NAA25: variants seen among roughly 807,000 people sequenced by gnomAD.
NAA25 encodes N-terminal acetyltransferase B complex subunit NAA25.
In NAA25, 30 loss-of-function variants were observed where a neutral mutation model predicts 132.5. That is an observed-to-expected ratio of 0.23 (90% CI 0.17 to 0.31). The LOEUF (loss-of-function observed/expected upper bound fraction) is 0.31. Among genes scored for constraint, NAA25 ranks in the 10% least tolerant of loss-of-function variants. The probability of loss-of-function intolerance (pLI) is 1.00; values close to 1 mark genes in which losing one functional copy is unlikely to be tolerated. For synonymous variants in NAA25, 359 were observed against 401.9 expected, an observed-to-expected ratio of 0.89 and a Z score of 1.28; for missense variants, 771 against 1,150.4, an observed-to-expected ratio of 0.67 and a Z score of 4.77.
intron 15 of NAA25, among the ~76,000 whole-genome samples, chr12:112,051,100 AC>A (rs1435067206): frequency 6.6e-6 from 1 of 152,324 alleles, no homozygotes; most frequent in East Asian, 1.9e-4. Context: ...ACACAGTAAG[AC>A]ACTACAATCA....
intron 1 of NAA25, among the ~76,000 whole-genome samples, chr12:112,099,178 C>T (rs571874576): frequency 7.2e-5 from 11 of 151,878 alleles, no homozygotes; most frequent in Non-Finnish European, 1.3e-4. Flanking sequence ...TTAGTAGAGA[C>T]GGGGTTTCAC....
intron 9 of NAA25, 96 bp downstream of exon 9, chr12:112,074,579 A>T: frequency 1.6e-6 from 1 of 645,140 alleles, no homozygotes; most frequent in Non-Finnish European, 2.6e-6. Context: ...TACTTTATTG[A>T]GACAGAAAAA....
chr12:112,073,285 C>CACAT (rs1491185890), intron 9 of NAA25, among the ~76,000 whole-genome samples: 3 of 150,428 alleles, frequency 2.0e-5, no homozygotes, highest in East Asian at 2.1e-4. Flanking sequence ...CACACACACA[C>CACAT]ATATATTTTT....
At chr12:112,096,161 T>C (rs2079211024) in intron 1 of NAA25, among the ~76,000 whole-genome samples, 1 of 152,146 alleles carries the variant, frequency 6.6e-6, no homozygotes, top group African/African-American at 2.4e-5. Context: ...ATTAATTCTT[T>C]TAAAAAGTCT....
In NAA25 at chr12:112,078,676, G is replaced by T. The variant is rs146093377; in HGVS notation, c.543C>A (p.Val181=). ...TCTTGTCCTCTTTCACCATTTTTTC[G>T]ACCATTCTCTCAGCAAGGGGCAGAA... ...TMFLPLAERM[V]EKMVKEDKIE... Residue 181 remains valine (V), a synonymous_variant, in exon 6 of 24, where the codon GTC becomes GTA. Coordinates refer to ENST00000261745, the MANE Select transcript of NAA25 (RefSeq NM_024953.4). 1 of 1,613,366 alleles carries T rather than the reference G, an allele frequency of 6.2e-7. No individual in the cohort carries two copies. The highest frequency in any genetic ancestry group is 1.1e-5 in the South Asian group (1 of 90,972).
At chr12:112,035,557 T>C (rs747976422) in intron 22 of NAA25, among the ~76,000 whole-genome samples, 5 of 152,166 alleles carry the variant, frequency 3.3e-5, no homozygotes, top group Non-Finnish European at 5.9e-5. Flanking sequence ...AGCACCCTCA[T>C]TCATATCTAA....
chr12:112,083,448 T>G (rs1029992324), intron 4 of NAA25, among the ~76,000 whole-genome samples: 1 of 151,786 alleles, frequency 6.6e-6, no homozygotes, highest in East Asian at 1.9e-4. Context: ...GAGGTTGCAG[T>G]GGGCCGGAAT....
chr12:112,069,054 G>A (rs1419026136), intron 10 of NAA25, 62 bp from the exon 11 acceptor site: 6 of 960,720 alleles, frequency 6.2e-6, no homozygotes, highest in African/African-American at 3.3e-5. Context: ...CTATTTAAGT[G>A]AGAATTAATT....
intron 13 of NAA25, among the ~76,000 whole-genome samples, chr12:112,059,075 C>CAAAAA (rs530305102): frequency 6.3e-5 from 4 of 63,284 alleles, no homozygotes; most frequent in South Asian, 4.8e-4. Context: ...CTCCATCTCA[C>CAAAAA]AAAAAAAAAA....
intron 16 of NAA25, 129 bp downstream of exon 16, chr12:112,048,163 C>T: frequency 1.2e-6 from 1 of 859,672 alleles, no homozygotes; most frequent in Non-Finnish European, 1.8e-6. Context: ...TTCTGTTTCC[C>T]CACTGTCTCT....
chr12:112,058,156 TAA>T (rs77520297), intron 13 of NAA25, among the ~76,000 whole-genome samples: 1 of 129,484 alleles, frequency 7.7e-6, no homozygotes, highest in Non-Finnish European at 1.7e-5. Flanking sequence ...CAAAACAAAC[TAA>T]AAAAAAAAAA....
chr12:112,066,621 ATCC>A (rs1307638495), intron 11 of NAA25, among the ~76,000 whole-genome samples: 1 of 152,160 alleles, frequency 6.6e-6, no homozygotes, highest in African/African-American at 2.4e-5. Flanking sequence ...ATGCTTTTAA[ATCC>A]TCCTATAACC....
intron 10 of NAA25, 198 bp from the exon 11 acceptor site, chr12:112,069,190 C>G (rs1378778565): frequency 3.3e-5 from 17 of 512,530 alleles, no homozygotes; most frequent in South Asian, 2.3e-4. Context: ...CTTTTCACCA[C>G]TGCACCTGAC....
chr12:112,038,150 ATTAC>A (rs771688001), intron 22 of NAA25, among the ~76,000 whole-genome samples: 5 of 152,164 alleles, frequency 3.3e-5, no homozygotes, highest in Non-Finnish European at 7.4e-5. Context: ...GGTAGCTGGG[ATTAC>A]AGATGCTCAC....
chr12:112,048,010 GA>G (rs1391305459), intron 16 of NAA25, among the ~76,000 whole-genome samples: 1 of 152,136 alleles, frequency 6.6e-6, no homozygotes, highest in Non-Finnish European at 1.5e-5. Flanking sequence ...ATTAATTCCT[GA>G]AATCTCTTGA....
Position 112,074,750 on chromosome 12 carries a change from T to G in NAA25, c.791A>C (p.Gln264Pro). 6.2e-7 allele frequency: 1 copy of G among 1,610,888 alleles called. No homozygotes were observed. The highest frequency in any genetic ancestry group is 8.5e-7 in the Non-Finnish European group (1 of 1,178,258). ...AGAATCGAAATAAGTCAGATAGAAC[T>G]GCCAGTCATCTGAGCTAAAATCAGA... ...RLLLKNSDDWQFYLTYFDSVF... is the reference protein window; with the variant it reads ...RLLLKNSDDWPFYLTYFDSVF... Residue 264 changes from glutamine to proline, a missense_variant, in exon 9 of 24, where the codon CAG becomes CCG. Gln to Pro is a moderately conservative substitution (Grantham distance 76). Coordinates refer to ENST00000261745, the MANE Select transcript of NAA25 (RefSeq NM_024953.4).
chr12:112,031,846 T>C (rs2078153676), intron 23 of NAA25, among the ~76,000 whole-genome samples: 1 of 151,550 alleles, frequency 6.6e-6, no homozygotes, highest in Non-Finnish European at 1.5e-5. Context: ...TCTTTCTACC[T>C]GGTGAAAACC....
intron 1 of NAA25, among the ~76,000 whole-genome samples, chr12:112,100,361 C>A (rs1320721270): frequency 6.6e-6 from 1 of 152,022 alleles, no homozygotes; most frequent in Non-Finnish European, 1.5e-5. Flanking sequence ...CAGGGTTTCA[C>A]CATGTTGGCC....
At chr12:112,088,475 A>C (rs1222513138) in intron 3 of NAA25, among the ~76,000 whole-genome samples, 11 of 150,938 alleles carry the variant, frequency 7.3e-5, no homozygotes, top group Non-Finnish European at 1.5e-4. Flanking sequence ...GCAGGCACAT[A>C]CCACCACAAC....
Sources: allele counts gnomAD v4.1 joint callset (sites outside exome capture counted in the v4.1 genomes callset), GRCh38; gene constraint gnomAD v4.1.1; transcripts MANE v1.5; gene names NCBI Gene and HGNC (gene_info 2026-07-23, HGNC 2026-07-21).